Variants in MSI2 observed in about 807,000 individuals in gnomAD.
The protein encoded by MSI2 is RNA-binding protein Musashi homolog 2.
A neutral mutation model predicts 45.6 loss-of-function variants in MSI2; 17 were observed. The observed-to-expected ratio is 0.37, with a 90% CI of 0.26 to 0.56. MSI2 has a LOEUF of 0.56. MSI2 is among the 20% of genes least tolerant of loss of function. The pLI, the probability that MSI2 is intolerant of heterozygous loss-of-function variation, is 0.77. For synonymous variants in MSI2, 156 were observed against 158.2 expected (o/e 0.99, Z 0.11); for missense variants, 293 against 444.2 (o/e 0.66, Z 3.06).
intron 7 of MSI2, among the ~76,000 whole-genome samples, chr17:57,566,748 G>A (rs537779556): frequency 2.0e-5 from 3 of 152,298 alleles, no homozygotes; most frequent in South Asian, 2.1e-4. Context: ...GGGCTTGCCC[G>A]AGAGACTGCC....
At chr17:57,546,013 C>T (rs2087158530) in intron 7 of MSI2, among the ~76,000 whole-genome samples, 1 of 152,124 alleles carries the variant, frequency 6.6e-6, no homozygotes, top group East Asian at 1.9e-4. Flanking sequence ...GGCTCGACAG[C>T]CGAGGGGCAG....
chr17:57,418,603 G>T (rs1341421380), intron 6 of MSI2, among the ~76,000 whole-genome samples: 5 of 152,212 alleles, frequency 3.3e-5, no homozygotes, highest in Non-Finnish European at 7.3e-5. Context: ...GCTCTGTGTG[G>T]ACGTGGTAGC....
intron 5 of MSI2, among the ~76,000 whole-genome samples, chr17:57,307,546 T>C (rs536248389): frequency 2.6e-5 from 4 of 152,158 alleles, no homozygotes; most frequent in Non-Finnish European, 5.9e-5. Flanking sequence ...TGCCTCAGTT[T>C]CCTGAGTAGC....
intron 6 of MSI2, among the ~76,000 whole-genome samples, chr17:57,497,449 G>A (rs1185331177): frequency 2.0e-5 from 3 of 152,236 alleles, no homozygotes; most frequent in Non-Finnish European, 2.9e-5. Context: ...AAGGTGCTGG[G>A]TGTAGTCTTC....
At chr17:57,424,754 G>C (rs1301578032) in intron 6 of MSI2, among the ~76,000 whole-genome samples, 1 of 152,064 alleles carries the variant, frequency 6.6e-6, no homozygotes, top group Non-Finnish European at 1.5e-5. Context: ...CTGCCTTCTC[G>C]GGGTGCCTGT....
At chr17:57,263,127 A>C (rs771335439) in intron 5 of MSI2, among the ~76,000 whole-genome samples, 8 of 152,332 alleles carry the variant, frequency 5.3e-5, no homozygotes, top group Non-Finnish European at 1.2e-4. Context: ...AGTCTCCCAG[A>C]AGTGGAACCT....
chr17:57,466,194 T>G (rs896470443), intron 6 of MSI2, among the ~76,000 whole-genome samples: 1 of 152,174 alleles, frequency 6.6e-6, no homozygotes, highest in African/African-American at 2.4e-5. Flanking sequence ...CAACGTTTAG[T>G]GGCAATGACT....
chr17:57,687,789 T>A (rs1913912856), downstream of MSI2, among the ~76,000 whole-genome samples: 1 of 152,052 alleles, frequency 6.6e-6, no homozygotes, highest in African/African-American at 2.4e-5. Context: ...TCTACAGACT[T>A]AGGAGCTCAG....
intron 7 of MSI2, among the ~76,000 whole-genome samples, chr17:57,566,622 C>T (rs967684326): frequency 1.3e-5 from 2 of 152,232 alleles, no homozygotes; most frequent in Non-Finnish European, 2.9e-5. Flanking sequence ...CAGAATATAG[C>T]GCAGCATTGC....
At chr17:57,670,002 C>T (rs1171323289) in intron 11 of MSI2, among the ~76,000 whole-genome samples, 1 of 152,240 alleles carries the variant, frequency 6.6e-6, no homozygotes, top group African/African-American at 2.4e-5. Flanking sequence ...AGACCCACCA[C>T]ACCAGGAGCT....
rs535638580 is a variant in MSI2, at chr17:57,319,170, A to G, written c.312+56978A>G. On this transcript the variant is annotated intron_variant, in intron 5 of 13. Coordinates refer to ENST00000284073, the MANE Select transcript of MSI2 (RefSeq NM_138962.4). ...ACAATTGCTTAGATGGTTGTAAAGG[A>G]GGTGTTCAGAAATAGTGCGACAGGG... Among the ~76,000 whole-genome samples, 3 of 152,316 alleles carry G rather than the reference A, an allele frequency of 2.0e-5. No homozygotes were observed. The East Asian group carries it at 5.8e-4, about 29-fold the overall frequency.
chr17:57,383,916 C>T (rs545226453), intron 5 of MSI2, among the ~76,000 whole-genome samples: 4 of 152,296 alleles, frequency 2.6e-5, no homozygotes, highest in African/African-American at 7.2e-5. Flanking sequence ...GACTTGCTCA[C>T]GTGGCAGCTC....
At chr17:57,547,744 A>ACC (rs2087203210) in intron 7 of MSI2, among the ~76,000 whole-genome samples, 2 of 58,964 alleles carry the variant, frequency 3.4e-5, no homozygotes, top group South Asian at 1.0e-3. Flanking sequence ...CAAAAAGTAC[A>ACC]CACACACACA....
chr17:57,575,526 G>T (rs1472683811), intron 7 of MSI2, among the ~76,000 whole-genome samples: 1 of 152,138 alleles, frequency 6.6e-6, no homozygotes, highest in Non-Finnish European at 1.5e-5. Flanking sequence ...GCTTTGTTTG[G>T]CCAGGCCTGA....
At chr17:57,554,473 T>C (rs1317003129) in intron 7 of MSI2, among the ~76,000 whole-genome samples, 1 of 152,162 alleles carries the variant, frequency 6.6e-6, no homozygotes, top group Non-Finnish European at 1.5e-5. Flanking sequence ...CCTCAGCAAG[T>C]AGTCAATGTG....
At chr17:57,496,066 T>C (rs1444013495) in intron 6 of MSI2, among the ~76,000 whole-genome samples, 1 of 152,234 alleles carries the variant, frequency 6.6e-6, no homozygotes, top group Non-Finnish European at 1.5e-5. Context: ...GGGGTTTATC[T>C]GAAGCTGAAT....
At chr17:57,296,967 T>C (rs1357723915) in intron 5 of MSI2, among the ~76,000 whole-genome samples, 1 of 152,146 alleles carries the variant, frequency 6.6e-6, no homozygotes, top group African/African-American at 2.4e-5. Context: ...CTCTGCCTCC[T>C]GGGTTTACGC....
At chr17:57,628,584 T>A (rs1181117152) in intron 10 of MSI2, 1 of 152,442 alleles carries the variant, frequency 6.6e-6, no homozygotes, top group African/African-American at 2.4e-5. Context: ...TTCTCTCTTT[T>A]GGAAAAGGGG....
chr17:57,501,455 G>A (rs754237001), intron 6 of MSI2, among the ~76,000 whole-genome samples: 28 of 152,226 alleles, frequency 1.8e-4, no homozygotes, highest in Admixed American at 7.2e-4. Flanking sequence ...TTCATCCCAC[G>A]GCCCTGGGCC....
Sources: gnomAD v4.1 joint callset for allele counts (sites outside exome capture counted in the v4.1 genomes callset) on GRCh38, gnomAD v4.1.1 for gene constraint, MANE v1.5 for transcripts, NCBI Gene and HGNC (gene_info 2026-07-23, HGNC 2026-07-21) for gene names.